Variants in PIK3R3 observed in about 807,000 individuals in gnomAD.
The protein encoded by PIK3R3 is phosphatidylinositol 3-kinase regulatory subunit gamma.
A neutral mutation model predicts 62.9 loss-of-function variants in PIK3R3; 64 were observed. The ratio of observed to expected loss-of-function variants is 1.02; its 90% CI spans 0.83 to 1.25. The LOEUF (loss-of-function observed/expected upper bound fraction) is 1.25. Among genes scored for constraint, PIK3R3 ranks in the 50% most tolerant of loss-of-function variants. The pLI is 0.00. For synonymous variants in PIK3R3, 165 were observed against 189.0 expected, an observed-to-expected ratio of 0.87 and a Z score of 1.04; for missense variants, 614 against 561.6, an observed-to-expected ratio of 1.09 and a Z score of -0.94.
chr1:46,050,066 A>T (rs1345475618), intron 7 of PIK3R3, among the ~76,000 whole-genome samples: 3 of 149,320 alleles, frequency 2.0e-5, no homozygotes, highest in Non-Finnish European at 4.4e-5. Context: ...GGTTGCAGTG[A>T]GCCGAGATCG....
intron 1 of PIK3R3, among the ~76,000 whole-genome samples, chr1:46,126,634 T>C (rs893870468): frequency 2.0e-5 from 3 of 151,352 alleles, no homozygotes; most frequent in Admixed American, 6.6e-5. Context: ...TTAGAAAATA[T>C]AGTTATTTTT....
At chr1:46,114,064 C>T (rs1653964818) in intron 1 of PIK3R3, among the ~76,000 whole-genome samples, 1 of 152,164 alleles carries the variant, frequency 6.6e-6, no homozygotes, top group Non-Finnish European at 1.5e-5. Flanking sequence ...CTTCATATCC[C>T]TAGCCAGGAC....
chr1:46,055,708 A>T (rs111718013), intron 7 of PIK3R3, 87 bp downstream of exon 7: 2 of 875,598 alleles, frequency 2.3e-6, no homozygotes, highest in African/African-American at 3.4e-5. Context: ...ACAAATCTCT[A>T]ATCTCTTCTT....
chr1:46,051,104 G>T (rs1221970806), intron 7 of PIK3R3, among the ~76,000 whole-genome samples: 1 of 152,074 alleles, frequency 6.6e-6, no homozygotes, highest in Non-Finnish European at 1.5e-5. Flanking sequence ...TGATGAAAAT[G>T]TTCTAAAATA....
rs374757033 is a variant in PIK3R3 at position 46,064,751 on chromosome 1, T to A, written c.621+1303A>T. On this transcript the variant is annotated intron_variant, in intron 5 of 9. Coordinates refer to ENST00000262741, the MANE Select transcript of PIK3R3 (RefSeq NM_003629.4). ...AAACTGAATAATAAGGAAAACAGTA[T>A]GATAAAATTTGTGAGATGCATATAC... Among the ~76,000 whole-genome samples, 22 of 152,130 alleles carry A rather than the reference T, an allele frequency of 1.4e-4. 1 individual carries two copies. Among genetic ancestry groups the A allele is most frequent in the East Asian group, 9.6e-4 (5 of 5,190 alleles).
At chr1:46,089,622 G>A (rs1056770633) in intron 1 of PIK3R3, among the ~76,000 whole-genome samples, 6 of 151,752 alleles carry the variant, frequency 4.0e-5, no homozygotes, top group African/African-American at 9.7e-5. Flanking sequence ...GGCTGAGACC[G>A]GAGAATTGCT....
chr1:46,064,161 C>T (rs1230309420), intron 5 of PIK3R3, among the ~76,000 whole-genome samples: 1 of 150,892 alleles, frequency 6.6e-6, no homozygotes, highest in Non-Finnish European at 1.5e-5. Context: ...CACAGTGAGC[C>T]GAGATCGTGC....
chr1:46,165,585 C>T, the PIK3R3 span, among the ~76,000 whole-genome samples: 1 of 151,644 alleles, frequency 6.6e-6, no homozygotes, highest in African/African-American at 2.4e-5. Context: ...GGATTACAAG[C>T]GTGAGCCACT....
intron 2 of PIK3R3, among the ~76,000 whole-genome samples, chr1:46,079,986 C>T (rs993196191): frequency 6.6e-6 from 1 of 151,538 alleles, no homozygotes; most frequent in East Asian, 1.9e-4. Context: ...TTTCTTGTCA[C>T]TTTTTCATGG....
intron 1 of PIK3R3, among the ~76,000 whole-genome samples, chr1:46,124,012 C>T (rs1654882417): frequency 6.6e-6 from 1 of 151,894 alleles, no homozygotes; most frequent in Admixed American, 6.6e-5. Context: ...TTCCAAAACC[C>T]AAAATGGATA....
At position 46,108,067 on chromosome 1, in the gene PIK3R3, C is replaced by A. The variant is rs61782915; in HGVS notation, c.106+23780G>T. ...TTCATGTGAATAGGTGTGACCAATA[C>A]AATGGTTTTGTATCTTTTCATCATT... On this transcript the variant is annotated intron_variant, in intron 1 of 9. Coordinates refer to ENST00000262741, the MANE Select transcript of PIK3R3 (RefSeq NM_003629.4). Among the ~76,000 whole-genome samples the A allele has an allele frequency of 7.2e-5, 11 of 152,226 alleles. No homozygotes were observed. In the East Asian group the frequency reaches 1.9e-3, roughly 27 times the overall value.
chr1:46,054,072 GGTGTA>G (rs1647633540), intron 7 of PIK3R3, among the ~76,000 whole-genome samples: 1 of 152,042 alleles, frequency 6.6e-6, no homozygotes, highest in Non-Finnish European at 1.5e-5. Flanking sequence ...TACTCAGCAT[GGTGTA>G]GTTGTAATTG....
the PIK3R3 span, among the ~76,000 whole-genome samples, chr1:46,156,445 T>C: frequency 2.3e-5 from 3 of 132,156 alleles, no homozygotes; most frequent in Admixed American, 8.5e-5. Context: ...GGCAACAGAG[T>C]GAGACTCTGT....
chr1:46,136,686 GTGATGT>G (rs1427886893), upstream of PIK3R3, among the ~76,000 whole-genome samples: 1 of 152,194 alleles, frequency 6.6e-6, no homozygotes, highest in African/African-American at 2.4e-5. Context: ...ACCTCAGCAT[GTGATGT>G]AGATCTGCTC....
intron 1 of PIK3R3, among the ~76,000 whole-genome samples, chr1:46,131,456 T>C (rs1230802595): frequency 6.6e-6 from 1 of 152,224 alleles, no homozygotes; most frequent in African/African-American, 2.4e-5. Flanking sequence ...AGTGAAAGAC[T>C]GGTTTTAACC....
upstream of PIK3R3, among the ~76,000 whole-genome samples, chr1:46,135,525 A>G (rs1473840): frequency 0.68 from 103,874 of 152,018 alleles, 35,636 homozygotes; most frequent in African/African-American, 0.73. Flanking sequence ...GATGCCCTTC[A>G]CTTTTCACCC....
chr1:46,046,763 C>A, intron 7 of PIK3R3, 138 bp from the exon 8 acceptor site: 1 of 598,502 alleles, frequency 1.7e-6, no homozygotes, highest in South Asian at 2.2e-5. Context: ...AAAGATTTCC[C>A]AAAATTAGTC....
intron 3 of PIK3R3, 69 bp from the exon 4 acceptor site, chr1:46,067,160 G>A: frequency 8.3e-7 from 1 of 1,201,594 alleles, no homozygotes; most frequent in Admixed American, 2.6e-5. Flanking sequence ...GCTTTCATAT[G>A]GAGACGTGAA....
chr1:46,096,803 T>C (rs532244333), intron 1 of PIK3R3, among the ~76,000 whole-genome samples: 1 of 148,048 alleles, frequency 6.8e-6, no homozygotes, highest in East Asian at 2.0e-4. Flanking sequence ...ATAGTGTCAC[T>C]GCACTCCATC....
Sources: gnomAD v4.1 joint callset for allele counts (sites outside exome capture counted in the v4.1 genomes callset) on GRCh38, gnomAD v4.1.1 for gene constraint, MANE v1.5 for transcripts, NCBI Gene and HGNC (gene_info 2026-07-23, HGNC 2026-07-21) for gene names.